The following UPRT variants were observed in gnomAD, a reference collection of about 807,000 sequenced individuals.
UPRT encodes uracil phosphoribosyltransferase homolog, also known as RP11-311P8.3.
In UPRT, 5 loss-of-function variants were observed where a neutral mutation model predicts 22.6. The ratio of observed to expected loss-of-function variants is 0.22; its 90% CI spans 0.12 to 0.47. The LOEUF is 0.47. Among genes scored for constraint, UPRT ranks in the 20% least tolerant of loss-of-function variants. The pLI is 0.99. For missense variants in UPRT, 181 were observed against 239.9 expected (o/e 0.75, Z 1.62); for synonymous variants, 77 against 87.7 (o/e 0.88, Z 0.68).
intron 4 of UPRT, among the ~76,000 whole-genome samples, chrX:75,190,815 G>A (rs910758332): frequency 5.4e-5 from 6 of 111,660 alleles, no homozygotes; most frequent in Admixed American, 3.8e-4. Flanking sequence ...TCATGCCATG[G>A]TTTTCAGCTC....
intron 4 of UPRT, among the ~76,000 whole-genome samples, chrX:75,200,721 G>A (rs772627882): frequency 1.8e-5 from 2 of 111,570 alleles, no homozygotes; most frequent in East Asian, 5.6e-4. Flanking sequence ...GGAGGCTGAG[G>A]CGGGCGGATT....
chrX:75,248,752 A>G (rs1433336672), intron 4 of UPRT, among the ~76,000 whole-genome samples: 1 of 111,585 alleles, frequency 9.0e-6, no homozygotes, highest in East Asian at 2.8e-4. Context: ...CAAGACACAC[A>G]ATTGTGAGAT....
chrX:75,248,817 G>A (rs192417506), intron 4 of UPRT, among the ~76,000 whole-genome samples: 27 of 111,779 alleles, frequency 2.4e-4, no homozygotes, highest in Admixed American at 6.7e-4. Flanking sequence ...GAGAAAGGTC[G>A]GGTTATCCAC....
intron 4 of UPRT, among the ~76,000 whole-genome samples, chrX:75,184,566 G>T (rs772924563): frequency 1.8e-4 from 19 of 108,109 alleles, no homozygotes; most frequent in Non-Finnish European, 3.3e-4. Context: ...GTGAAGAAAG[G>T]CATTGGTAGC....
chrX:75,276,818 CCA>C (rs2082633381), intron 1 of UPRT, among the ~76,000 whole-genome samples: 1 of 111,629 alleles, frequency 9.0e-6, no homozygotes, highest in Admixed American at 9.5e-5. Context: ...GCATTCATCA[CCA>C]CAGTTTTAGA....
intron 4 of UPRT, among the ~76,000 whole-genome samples, chrX:75,232,048 G>C (rs2082440087): frequency 9.0e-6 from 1 of 111,650 alleles, no homozygotes; most frequent in South Asian, 3.8e-4. Flanking sequence ...TCACTAGGGA[G>C]TGCCAGACAG....
intron 4 of UPRT, among the ~76,000 whole-genome samples, chrX:75,237,862 T>C (rs1318397334): frequency 9.3e-6 from 1 of 107,044 alleles, no homozygotes; most frequent in African/African-American, 3.4e-5. Context: ...GACGAGTTAG[T>C]GGGTGCAGCG....
chrX:75,265,645 G>T (rs1172266997), intron 4 of UPRT, among the ~76,000 whole-genome samples: 1 of 111,895 alleles, frequency 8.9e-6, no homozygotes, highest in Admixed American at 9.6e-5. Flanking sequence ...TTAGCCCGGA[G>T]TAGTTTGATC....
chrX:75,181,466 GCTT>G (rs1285579353), intron 4 of UPRT, among the ~76,000 whole-genome samples: 4 of 111,443 alleles, frequency 3.6e-5, no homozygotes, highest in Non-Finnish European at 7.5e-5. Context: ...CAGTATTGAT[GCTT>G]CTTATCTGTG....
chrX:75,233,621 G>C (rs183082187), intron 4 of UPRT, among the ~76,000 whole-genome samples: 314 of 110,943 alleles, frequency 2.8e-3, no homozygotes, highest in Non-Finnish European at 5.2e-3. Flanking sequence ...AAGAGAGTGG[G>C]GGCCAATATT....
chrX:75,261,782 G>A (rs1192333514), intron 4 of UPRT, among the ~76,000 whole-genome samples: 2 of 111,264 alleles, frequency 1.8e-5, no homozygotes, highest in Admixed American at 9.6e-5. Context: ...ATAAAATACT[G>A]GCAAATCGAA....
chrX:75,211,456 G>A (rs975705137), intron 4 of UPRT, among the ~76,000 whole-genome samples: 2 of 111,397 alleles, frequency 1.8e-5, no homozygotes, highest in African/African-American at 6.5e-5. Context: ...AGAGGAATTC[G>A]GAAAGGAGGA....
At position 75,232,623 on chromosome X, in the gene UPRT, T is replaced by A. The variant is rs1356214950; in HGVS notation, c.-446-58401T>A. 4.4e-5 allele frequency among the ~76,000 whole-genome samples: 5 copies of A among 112,362 alleles called. No homozygotes were observed. In the Admixed American group the frequency reaches 4.7e-4, roughly 11 times the overall value. The stretch of plus-strand genomic sequence containing the variant: ...CAGACTGCCTCCTCAAGTGGGTCCC[T>A]GACCCCTGATCCCCAAGCAGCCTAA... On this transcript the variant is annotated intron_variant, in intron 4 of 13. Transcript: ENST00000652605.
At chrX:75,231,593 C>T (rs1255192079) in intron 4 of UPRT, among the ~76,000 whole-genome samples, 4 of 111,737 alleles carry the variant, frequency 3.6e-5, no homozygotes, top group Non-Finnish European at 5.6e-5. Flanking sequence ...ATAAGAAACT[C>T]AAAGAGCACC....
At chrX:75,176,490 TC>T (rs2082247138) in intron 4 of UPRT, among the ~76,000 whole-genome samples, 1 of 111,633 alleles carries the variant, frequency 9.0e-6, no homozygotes, top group Non-Finnish European at 1.9e-5. Context: ...TCTGAAAACT[TC>T]CCCAGGTCTG....
intron 3 of UPRT, among the ~76,000 whole-genome samples, chrX:75,165,968 C>G: frequency 9.0e-6 from 1 of 111,660 alleles, no homozygotes. Context: ...TGAAATATAA[C>G]TTATTCTCTA....
At chrX:75,217,732 G>A (rs776263488) in intron 4 of UPRT, among the ~76,000 whole-genome samples, 7 of 111,720 alleles carry the variant, frequency 6.3e-5, no homozygotes, top group South Asian at 3.8e-4. Context: ...AAATAACGCC[G>A]CATATCTGCA....
chrX:75,173,913 C>T (rs1271974006), intron 4 of UPRT, among the ~76,000 whole-genome samples: 2 of 112,018 alleles, frequency 1.8e-5, no homozygotes, highest in African/African-American at 6.5e-5. Context: ...GCCAAGCCCA[C>T]GCCTACCCGG....
intron 3 of UPRT, among the ~76,000 whole-genome samples, 165 bp from the exon 4 acceptor site, chrX:75,297,326 A>C (rs1273271450): frequency 8.9e-6 from 1 of 112,083 alleles, no homozygotes; most frequent in Non-Finnish European, 1.9e-5. Context: ...ATAACTGAAA[A>C]ATCATGACTC....
Sources: allele counts gnomAD v4.1 joint callset (sites outside exome capture counted in the v4.1 genomes callset), GRCh38; gene constraint gnomAD v4.1.1; transcripts MANE v1.5; gene names NCBI Gene and HGNC (gene_info 2026-07-23, HGNC 2026-07-21).